SLC30A5: variants seen among roughly 807,000 people sequenced by gnomAD.
The protein encoded by SLC30A5 is proton-coupled zinc antiporter SLC30A5.
SLC30A5 carries 33 observed loss-of-function variants against 79.6 expected under a neutral mutation model. The ratio of observed to expected loss-of-function variants is 0.41; its 90% confidence interval spans 0.31 to 0.55. SLC30A5 has a LOEUF of 0.55. Ranked by LOEUF, SLC30A5 falls within the 20% of genes least tolerant of loss-of-function variation. The pLI is 0.20. For synonymous variants in SLC30A5, 299 were observed against 319.7 expected (o/e 0.94, Z 0.69); for missense variants, 788 against 928.1 (o/e 0.85, Z 1.96).
At position 69,103,113 on chromosome 5, in the gene SLC30A5, T is replaced by A; in HGVS notation, c.258T>A (p.Thr86=). Residue 86 remains threonine, a synonymous_variant, in exon 3 of 16, where the codon ACT becomes ACA. Transcript: ENST00000396591. ...LFQKPFSSGK[T]ITKHQWIKIF... Reference sequence around the variant, plus strand: ...AAAAGCCATTTTCTTCTGGGAAAACTATTACCAAACACCAGGTAAGATTTT... The same window carrying A: ...AAAAGCCATTTTCTTCTGGGAAAACAATTACCAAACACCAGGTAAGATTTT... 6.3e-7 allele frequency: 1 copy of A among 1,591,342 alleles called. No individual in the cohort carries two copies. Among genetic ancestry groups the A allele is most frequent in the Non-Finnish European group, 8.6e-7 (1 of 1,162,446 alleles).
At chr5:69,100,361 C>T (rs1463327095) in intron 1 of SLC30A5, among the ~76,000 whole-genome samples, 1 of 152,136 alleles carries the variant, frequency 6.6e-6, no homozygotes, top group Non-Finnish European at 1.5e-5. Flanking sequence ...CTTAGCCTCC[C>T]GAGTGGCTGA....
intron 14 of SLC30A5, among the ~76,000 whole-genome samples, chr5:69,124,382 G>C (rs1415714954): frequency 2.0e-5 from 3 of 152,108 alleles, no homozygotes; most frequent in Non-Finnish European, 4.4e-5. Flanking sequence ...ATGGAATTCA[G>C]TATATAGCAA....
chr5:69,110,266 T>G (rs1405070515), intron 5 of SLC30A5, among the ~76,000 whole-genome samples: 1 of 152,156 alleles, frequency 6.6e-6, no homozygotes, highest in African/African-American at 2.4e-5. Context: ...CTCCCACCAC[T>G]GTGACTGATC....
At position 69,094,407 on chromosome 5, in the gene SLC30A5, C is replaced by G. The variant is rs1464435990; in HGVS notation, c.83+69C>G. ...GGATGCACTTTCTCCGGCCTCCCTC[C>G]GGTCTCCGCTGACAGCCCGGGACGT... On this transcript the variant is annotated intron_variant, in intron 1 of 15. Coordinates refer to ENST00000396591, the MANE Select transcript of SLC30A5 (RefSeq NM_022902.5). The G allele has an allele frequency of 9.7e-6, 12 of 1,237,972 alleles. No homozygotes were observed. In the African/African-American group the frequency reaches 1.6e-4, roughly 16 times the overall value. 76.7% of individuals were successfully genotyped at this position (1,237,972 alleles called of 1,614,324 possible). A position where few individuals can be genotyped will look rare whatever the true frequency, so the allele number is the denominator to read the frequency against.
At position 69,104,718 on chromosome 5, in the gene SLC30A5, T is replaced by C. The variant is rs1746034775; in HGVS notation, c.359+2T>C. 4 of 1,600,704 alleles carry C rather than the reference T, an allele frequency of 2.5e-6. No homozygotes were observed. Among genetic ancestry groups the C allele is most frequent in the Non-Finnish European group, 3.4e-6 (4 of 1,175,394 alleles). ...CCTCACTCTTTGTGGACCACTAAGG[T>C]AAATAAAAATGCATATTTTGAATGT... On this transcript the variant is annotated splice_donor_variant, in intron 4 of 15. Transcript: ENST00000396591. LOFTEE classifies it high-confidence loss of function.
Position 69,114,304 on chromosome 5 carries a change from A to C in SLC30A5, c.536-116A>C, listed in dbSNP as rs1411385187. The C allele has an allele frequency of 1.2e-5, 6 of 520,682 alleles. No homozygotes were observed. The East Asian group carries it at 1.8e-4, about 16-fold the overall frequency. The allele number at this position is 520,682 out of a possible 1,614,324, so 32.3% of individuals were successfully genotyped here. A position where few individuals can be genotyped will look rare whatever the true frequency, so the allele number is the denominator to read the frequency against. On this transcript the variant is annotated intron_variant, in intron 6 of 15. Transcript: ENST00000396591. ...ATGTTATTGAAAGTAATTAAGTTTG[A>C]GGCCTCCAGATCAGTCTATATGCAA...
intron 14 of SLC30A5, among the ~76,000 whole-genome samples, chr5:69,125,709 G>A (rs1439865163): frequency 6.6e-6 from 1 of 151,282 alleles, no homozygotes; most frequent in East Asian, 1.9e-4. Flanking sequence ...CACCGTGGTG[G>A]GCACCTGTAG....
chr5:69,100,775 T>C (rs1243589310), intron 1 of SLC30A5, 32 bp from the exon 2 acceptor site: 1 of 1,552,958 alleles, frequency 6.4e-7, no homozygotes, highest in Admixed American at 1.8e-5. Context: ...ATTTCAGTGA[T>C]ACTAAAAATT....
chr5:69,116,534 G>A lies in SLC30A5; in HGVS notation c.1213G>A (p.Glu405Lys). The change falls in exon 10 of 16, where the codon GAA becomes AAA. Residue 405 changes from glutamate (E) to lysine (K), a missense_variant. Physicochemically the swap from Glu to Lys is moderately conservative, Grantham distance 56 (BLOSUM62 1). Around this residue, in one of 3 missense-constraint regions of SLC30A5, gnomAD observed 626 missense variants for 755.5 expected, o/e 0.83. Coordinates refer to ENST00000396591, the MANE Select transcript of SLC30A5 (RefSeq NM_022902.5). The surrounding 1 kb of genome is among the most constrained non-coding windows in gnomAD (Gnocchi z 4.0). ...SSQSIPRFIKESLKQILEESD... is the reference protein window; with the variant it reads ...SSQSIPRFIKKSLKQILEESD... Reference sequence around the variant, plus strand: ...TCAATCGATCCCTAGGTTTATTAAGGAATCACTAAAACAAATTCTTGAGGA... The same window carrying A: ...TCAATCGATCCCTAGGTTTATTAAGAAATCACTAAAACAAATTCTTGAGGA... The A allele has an allele frequency of 6.2e-7, 1 of 1,611,218 alleles. No individual in the cohort carries two copies. Among genetic ancestry groups the A allele is most frequent in the Non-Finnish European group, 8.5e-7 (1 of 1,179,184 alleles).
intron 5 of SLC30A5, among the ~76,000 whole-genome samples, chr5:69,108,860 G>A (rs987988475): frequency 1.3e-4 from 20 of 149,508 alleles, no homozygotes; most frequent in East Asian, 7.8e-4. Context: ...GGCTTTTTCC[G>A]CTAGTTTTAC....
In SLC30A5 at chr5:69,108,400, T is replaced by A. The variant is rs1746143478; in HGVS notation, c.411T>A (p.Ser137Arg). The change falls in exon 5 of 16, where the codon AGT becomes AGA. Residue 137 changes from serine (S) to arginine (R), a missense_variant. Physicochemically the swap from Ser to Arg is moderately radical, Grantham distance 110. Transcript: ENST00000396591. The stretch of plus-strand genomic sequence containing the variant: ...ATATTGTTGTCATTTCACTACTCAG[T>A]GTTTTGTTCACCAGTTCTGGAGGAG... ...HSDIVVISLL[S>R]VLFTSSGGGP... 1.2e-6 allele frequency: 2 copies of A among 1,613,970 alleles called. No homozygotes were observed. The highest frequency in any genetic ancestry group is 2.7e-5 in the African/African-American group (2 of 75,062).
At chr5:69,098,587 T>A (rs1745813763) in intron 1 of SLC30A5, among the ~76,000 whole-genome samples, 1 of 152,200 alleles carries the variant, frequency 6.6e-6, no homozygotes, top group African/African-American at 2.4e-5. Flanking sequence ...TAAAAATCAG[T>A]GTGTAATTCA....
At position 69,128,188 on chromosome 5, in the gene SLC30A5, A is replaced by G; in HGVS notation, c.2127+56A>G. On this transcript the variant is annotated intron_variant, in intron 15 of 15. Coordinates refer to ENST00000396591, the MANE Select transcript of SLC30A5 (RefSeq NM_022902.5). Reference sequence around the variant, plus strand: ...TGAGGTCATTCATACCCAAAATTGTACACCTCATAAGTTATATGGCTCAGT... The same window carrying G: ...TGAGGTCATTCATACCCAAAATTGTGCACCTCATAAGTTATATGGCTCAGT... 3.5e-6 allele frequency: 5 copies of G among 1,426,384 alleles called. No individual in the cohort carries two copies. In the South Asian group the frequency reaches 6.0e-5, roughly 17 times the overall value. The allele number at this position is 1,426,384 out of a possible 1,614,324, so 88.4% of individuals were successfully genotyped here. A position where few individuals can be genotyped will look rare whatever the true frequency, so the allele number is the denominator to read the frequency against.
At chr5:69,113,628 T>G (rs1461923174) in intron 6 of SLC30A5, among the ~76,000 whole-genome samples, 1 of 152,194 alleles carries the variant, frequency 6.6e-6, no homozygotes, top group Non-Finnish European at 1.5e-5. Flanking sequence ...TTACCTAGTA[T>G]TCATTGTCTT....
intron 1 of SLC30A5, among the ~76,000 whole-genome samples, chr5:69,097,109 CTTTTTTTTTTT>C (rs1228027917): frequency 2.3e-5 from 2 of 87,946 alleles, no homozygotes; most frequent in East Asian, 3.3e-4. Flanking sequence ...CTCTCTTTTT[CTTTTTTTTTTT>C]TTTTTTTTTT....
At chr5:69,105,859 G>C (rs901809608) in intron 4 of SLC30A5, among the ~76,000 whole-genome samples, 40 of 152,334 alleles carry the variant, frequency 2.6e-4, no homozygotes, top group African/African-American at 9.6e-4. Context: ...GTTGTGAACT[G>C]TGCATGGGAG....
intron 3 of SLC30A5, 135 bp from the exon 4 acceptor site, chr5:69,104,496 T>G: frequency 2.2e-6 from 3 of 1,393,834 alleles, no homozygotes; most frequent in Non-Finnish European, 1.9e-6. Context: ...TCTTATGTTT[T>G]CTATTTACAA....
chr5:69,123,509 A>G, intron 14 of SLC30A5, 84 bp downstream of exon 14: 1 of 1,032,492 alleles, frequency 9.7e-7, no homozygotes, highest in African/African-American at 1.6e-5. Context: ...AGACAACCAA[A>G]TAAATAATAA....
intron 1 of SLC30A5, among the ~76,000 whole-genome samples, chr5:69,095,121 T>TA (rs1350946434): frequency 6.6e-6 from 1 of 152,034 alleles, no homozygotes; most frequent in African/African-American, 2.4e-5. Flanking sequence ...CTGGAATAAA[T>TA]ACTTCTTTGA....
Sources: gnomAD v4.1 joint callset for allele counts (sites outside exome capture counted in the v4.1 genomes callset) on GRCh38, gnomAD v4.1.1 for gene constraint, gnomAD v4.1.1 regional missense constraint, Gnocchi (gnomAD v3.1) non-coding constraint, MANE v1.5 for transcripts, NCBI Gene and HGNC (gene_info 2026-07-23, HGNC 2026-07-21) for gene names.